SNX29: variants seen among roughly 807,000 people sequenced by gnomAD.
SNX29 encodes the protein sorting nexin 29, also known as sorting nexin-29.
Under a neutral mutation model 102.1 loss-of-function variants are expected in SNX29, and 78 were observed. That is an observed-to-expected ratio of 0.76 (90% CI 0.64 to 0.92). The LOEUF (loss-of-function observed/expected upper bound fraction) is 0.92. Ranked by LOEUF, SNX29 falls within the 40% of genes least tolerant of loss-of-function variation. SNX29 has a pLI of 0.00. For missense variants in SNX29, 1,280 were observed against 1,061.7 expected (o/e 1.21, Z -2.86); for synonymous variants, 580 against 414.5 (o/e 1.40, Z -4.85).
chr16:12,254,329 G>A (rs937756381), intron 14 of SNX29, among the ~76,000 whole-genome samples: 1 of 152,096 alleles, frequency 6.6e-6, no homozygotes, highest in Non-Finnish European at 1.5e-5. Flanking sequence ...ACATTAAGAT[G>A]TGGAAAAAAG....
rs574376444 is a variant in SNX29 at position 12,104,279 on chromosome 16, G to C, written c.1403-22354G>C. Among the ~76,000 whole-genome samples the C allele has an allele frequency of 6.6e-5, 10 of 152,336 alleles. No individual in the cohort carries two copies. The South Asian group carries it at 1.9e-3, about 28-fold the overall frequency. On this transcript the variant is annotated intron_variant, in intron 11 of 20. Coordinates refer to ENST00000566228, the MANE Select transcript of SNX29 (RefSeq NM_032167.5). ...AGCGCTTTTAAAAAACTTGTGTCCA[G>C]GTGTGGTGGCTCATGCCTGTAATCC... is the stretch of plus-strand genomic sequence containing the variant.
At chr16:11,978,400 G>A (rs1486460463) in intron 1 of SNX29, among the ~76,000 whole-genome samples, 1 of 152,200 alleles carries the variant, frequency 6.6e-6, no homozygotes, top group Non-Finnish European at 1.5e-5. Context: ...GTAAGTTCTC[G>A]ACCATTCTGG....
At chr16:12,472,834 A>C (rs192370693) in intron 18 of SNX29, among the ~76,000 whole-genome samples, 1 of 152,272 alleles carries the variant, frequency 6.6e-6, no homozygotes, top group Admixed American at 6.5e-5. Context: ...AGTGGAAAAG[A>C]AATCTTCAGA....
At chr16:12,538,029 C>T (rs564929230) in intron 20 of SNX29, among the ~76,000 whole-genome samples, 226 of 151,890 alleles carry the variant, frequency 1.5e-3, no homozygotes, top group African/African-American at 3.8e-3. Flanking sequence ...AGACCAAAAT[C>T]GTCCTGTCCT....
intron 1 of SNX29, among the ~76,000 whole-genome samples, chr16:11,986,461 A>G (rs1046824990): frequency 6.6e-6 from 1 of 151,972 alleles, no homozygotes; most frequent in Non-Finnish European, 1.5e-5. Flanking sequence ...CATTCCTGGC[A>G]CATTTAATAT....
intron 17 of SNX29, among the ~76,000 whole-genome samples, chr16:12,403,035 C>T (rs867023499): frequency 5.9e-5 from 9 of 152,104 alleles, no homozygotes; most frequent in East Asian, 1.9e-4. Context: ...GCTCCAGAAA[C>T]GCTGGGCATT....
intron 13 of SNX29, among the ~76,000 whole-genome samples, chr16:12,149,976 G>A (rs1248536265): frequency 2.0e-5 from 3 of 152,144 alleles, no homozygotes; most frequent in Non-Finnish European, 4.4e-5. Flanking sequence ...TGCTCCCTGT[G>A]GCTGTATCCT....
At chr16:12,523,238 G>C (rs1210819389) in intron 19 of SNX29, among the ~76,000 whole-genome samples, 1 of 152,178 alleles carries the variant, frequency 6.6e-6, no homozygotes, top group Admixed American at 6.5e-5. Flanking sequence ...GCAGAGACGA[G>C]TGCCCCACCT....
intron 20 of SNX29, among the ~76,000 whole-genome samples, chr16:12,559,733 G>A (rs1424643020): frequency 3.3e-5 from 5 of 152,098 alleles, no homozygotes; most frequent in South Asian, 2.1e-4. Context: ...AGAAATAGAT[G>A]AAATAGTGAT....
intron 11 of SNX29, among the ~76,000 whole-genome samples, chr16:12,111,095 G>A (rs991961221): frequency 2.0e-5 from 3 of 152,120 alleles, no homozygotes; most frequent in African/African-American, 7.2e-5. Context: ...TACACGTGTG[G>A]GCCAGAAAGC....
chr16:12,566,432 C>T (rs932788770), intron 20 of SNX29, among the ~76,000 whole-genome samples: 1 of 152,184 alleles, frequency 6.6e-6, no homozygotes, highest in East Asian at 1.9e-4. Flanking sequence ...GGCCTCTCCC[C>T]CCAAGCTCTG....
chr16:12,305,038 C>T (rs1382963657), intron 15 of SNX29, among the ~76,000 whole-genome samples: 3 of 152,276 alleles, frequency 2.0e-5, no homozygotes, highest in African/African-American at 7.2e-5. Flanking sequence ...AGTTAAAGAG[C>T]GTGCTGTGCC....
chr16:12,310,082 G>A (rs1276801491), intron 15 of SNX29, among the ~76,000 whole-genome samples: 1 of 150,196 alleles, frequency 6.7e-6, no homozygotes, highest in South Asian at 2.1e-4. Flanking sequence ...ACATACACAT[G>A]TGCACACATG....
intron 20 of SNX29, among the ~76,000 whole-genome samples, chr16:12,566,585 G>GC (rs1491157857): frequency 6.6e-6 from 1 of 152,194 alleles, no homozygotes; most frequent in African/African-American, 2.4e-5. Flanking sequence ...TTACATCCAA[G>GC]CCTTCCTGTA....
At chr16:12,216,671 A>C (rs2077332318) in intron 14 of SNX29, among the ~76,000 whole-genome samples, 1 of 152,150 alleles carries the variant, frequency 6.6e-6, no homozygotes, top group African/African-American at 2.4e-5. Flanking sequence ...GCCCTTTGCT[A>C]GCAGTGTGAC....
At chr16:12,544,787 C>T (rs1358925104) in intron 20 of SNX29, among the ~76,000 whole-genome samples, 1 of 152,172 alleles carries the variant, frequency 6.6e-6, no homozygotes, top group African/African-American at 2.4e-5. Context: ...AACTGCAGAG[C>T]CAGGATTCTA....
Position 12,160,159 on chromosome 16 carries a change from G to A in SNX29, c.1595+30401G>A, listed in dbSNP as rs532915476. The stretch of plus-strand genomic sequence containing the variant: ...TGGAAATGATGCTGGTGAGGCCTGG[G>A]TGGTGGTCTGGATGCCCACTGTTTG... On this transcript the variant is annotated intron_variant, in intron 13 of 20. Coordinates refer to ENST00000566228, the MANE Select transcript of SNX29 (RefSeq NM_032167.5). Among the ~76,000 whole-genome samples the A allele has an allele frequency of 3.3e-5, 5 of 152,318 alleles. 1 individual carries two copies. In the South Asian group the frequency reaches 8.3e-4, roughly 25 times the overall value.
At chr16:11,997,972 A>G (rs8062691) in intron 1 of SNX29, among the ~76,000 whole-genome samples, 84,770 of 151,988 alleles carry the variant, frequency 0.56, 24,369 homozygotes, top group Non-Finnish European at 0.6. Context: ...TTATAGGGTG[A>G]ATGTGAAGAT....
rs548066618 is a variant in SNX29 at position 12,178,224 on chromosome 16, G to A, written c.1596-21377G>A. Among the ~76,000 whole-genome samples, 6 of 152,224 alleles carry A rather than the reference G, an allele frequency of 3.9e-5. No homozygotes were observed. In the East Asian group the frequency reaches 5.8e-4, roughly 15 times the overall value. On this transcript the variant is annotated intron_variant, in intron 13 of 20. Coordinates refer to ENST00000566228, the MANE Select transcript of SNX29 (RefSeq NM_032167.5). Reference sequence around the variant, plus strand: ...TGAGCATCTCGTGGTTACAGGGACCGGGGCATGGGCTGATGGGTTCCTCTG... The same window carrying A: ...TGAGCATCTCGTGGTTACAGGGACCAGGGCATGGGCTGATGGGTTCCTCTG...
Sources: gnomAD v4.1 joint callset for allele counts (sites outside exome capture counted in the v4.1 genomes callset) on GRCh38, gnomAD v4.1.1 for gene constraint, MANE v1.5 for transcripts, NCBI Gene and HGNC (gene_info 2026-07-23, HGNC 2026-07-21) for gene names.